Variants in RBM6 observed in about 807,000 individuals in gnomAD.
The protein encoded by RBM6 is RNA-binding protein 6.
Under a neutral mutation model 140.4 loss-of-function variants are expected in RBM6, and 23 were observed. The ratio of observed to expected loss-of-function variants is 0.16; its 90% CI spans 0.12 to 0.23. RBM6 has a LOEUF of 0.23. Ranked by LOEUF, RBM6 falls within the 10% of genes least tolerant of loss-of-function variation. The pLI is 1.00. For missense variants in RBM6, 1,139 were observed against 1,386.7 expected (o/e 0.82, Z 2.84); for synonymous variants, 439 against 475.6 (o/e 0.92, Z 1.00).
At chr3:49,977,117 T>G (rs1372268097) in intron 5 of RBM6, among the ~76,000 whole-genome samples, 1 of 152,190 alleles carries the variant, frequency 6.6e-6, no homozygotes, top group Non-Finnish European at 1.5e-5. Flanking sequence ...TGGAAGAAAT[T>G]CCCAGCTTCT....
chr3:50,005,303 C>T (rs2086522642), intron 6 of RBM6, among the ~76,000 whole-genome samples: 1 of 152,036 alleles, frequency 6.6e-6, no homozygotes, highest in Non-Finnish European at 1.5e-5. Context: ...TGAGTCCAGC[C>T]TGGGTAACAT....
intron 6 of RBM6, among the ~76,000 whole-genome samples, chr3:50,011,606 C>T (rs1323769826): frequency 6.6e-6 from 1 of 152,018 alleles, no homozygotes; most frequent in Non-Finnish European, 1.5e-5. Context: ...CCACATATGT[C>T]TTTCTTAGAG....
At chr3:49,997,671 T>TG (rs2086150173) in intron 5 of RBM6, among the ~76,000 whole-genome samples, 1 of 152,144 alleles carries the variant, frequency 6.6e-6, no homozygotes, top group Admixed American at 6.6e-5. Context: ...TAGACATGCA[T>TG]TTGAGTGTTT....
intron 5 of RBM6, among the ~76,000 whole-genome samples, chr3:49,999,061 A>T (rs1475888222): frequency 7.9e-6 from 1 of 126,468 alleles, no homozygotes; most frequent in Non-Finnish European, 1.7e-5. Flanking sequence ...TTTTCCAGAT[A>T]CTTTCTTGCT....
chr3:49,946,722 A>G lies in RBM6; in HGVS notation c.-67+6497A>G, dbSNP rs2083502564. ...GGCTAATTTTTGTATTTTAGTAGAG[A>G]CAGGGTTTCACCATATTAGCCAGGC... On this transcript the variant is annotated intron_variant, in intron 1 of 20. Transcript: ENST00000266022. 2.0e-5 allele frequency among the ~76,000 whole-genome samples: 3 copies of G among 151,746 alleles called. No homozygotes were observed. The South Asian group carries it at 6.2e-4, about 32-fold the overall frequency.
intron 6 of RBM6, among the ~76,000 whole-genome samples, chr3:50,032,604 C>T (rs990986545): frequency 3.9e-5 from 6 of 151,934 alleles, no homozygotes; most frequent in Non-Finnish European, 8.8e-5. Context: ...GGTTACAGAA[C>T]TCGTTTCTCC....
At chr3:49,952,783 CCA>C (rs1324193346) in intron 1 of RBM6, among the ~76,000 whole-genome samples, 2 of 152,152 alleles carry the variant, frequency 1.3e-5, no homozygotes, top group African/African-American at 2.4e-5. Context: ...CAGGCGTGTG[CCA>C]CTGCTCCTGG....
intron 1 of RBM6, among the ~76,000 whole-genome samples, chr3:49,957,479 T>C: frequency 6.6e-6 from 1 of 152,096 alleles, no homozygotes; most frequent in South Asian, 2.1e-4. Context: ...TTCTTTCTAG[T>C]GCATAAGCAG....
intron 19 of RBM6, among the ~76,000 whole-genome samples, chr3:50,073,041 A>T (rs2090353268): frequency 6.6e-6 from 1 of 152,072 alleles, no homozygotes; most frequent in Non-Finnish European, 1.5e-5. Flanking sequence ...TTTCTAAGGT[A>T]CCCATGGCCT....
intron 1 of RBM6, among the ~76,000 whole-genome samples, chr3:49,959,876 T>G (rs958344262): frequency 1.3e-5 from 2 of 152,098 alleles, no homozygotes; most frequent in African/African-American, 2.4e-5. Flanking sequence ...CCGGCCTAGG[T>G]CTTGTATGAT....
At chr3:50,052,237 G>C (rs988477475) in intron 7 of RBM6, among the ~76,000 whole-genome samples, 1 of 152,106 alleles carries the variant, frequency 6.6e-6, no homozygotes, top group East Asian at 1.9e-4. Flanking sequence ...GCTAATTTTT[G>C]TATTTTTAAT....
In RBM6 at chr3:50,043,497, A is replaced by AC. The variant is rs1297531108; in HGVS notation, c.1558-4748_1558-4747insC. 1.7e-3 allele frequency among the ~76,000 whole-genome samples: 257 copies of AC among 150,864 alleles called. 2 individuals are homozygous for AC. Among genetic ancestry groups the AC allele is most frequent in the African/African-American group, 6.0e-3 (247 of 41,014 alleles). ...AGCAAGACCCTGTCTCAAAAAAAAA[A>AC]AAGAGAGATCTATCTCTCTTCTTTT... On this transcript the variant is annotated intron_variant, in intron 6 of 20. Transcript: ENST00000266022.
intron 6 of RBM6, among the ~76,000 whole-genome samples, chr3:50,036,987 T>C (rs1194767394): frequency 1.3e-5 from 2 of 152,068 alleles, no homozygotes; most frequent in African/African-American, 4.8e-5. Context: ...GGCTTCACCA[T>C]GTTGGCCAGT....
intron 11 of RBM6, among the ~76,000 whole-genome samples, chr3:50,060,042 T>C (rs1237016559): frequency 6.6e-6 from 1 of 152,148 alleles, no homozygotes; most frequent in African/African-American, 2.4e-5. Context: ...CTAAAGAGGC[T>C]GAGGCGAGAT....
intron 2 of RBM6, among the ~76,000 whole-genome samples, chr3:49,963,217 T>TA (rs1210651857): frequency 6.6e-6 from 1 of 151,848 alleles, no homozygotes; most frequent in Non-Finnish European, 1.5e-5. Flanking sequence ...TTTTGTCACA[T>TA]AGCATTTTAA....
chr3:50,014,766 A>G (rs997797512), intron 6 of RBM6, among the ~76,000 whole-genome samples: 2 of 152,168 alleles, frequency 1.3e-5, no homozygotes, highest in African/African-American at 4.8e-5. Context: ...GGCTGTTGGG[A>G]ATCACATTGG....
chr3:50,070,311 CG>C (rs1328699008), intron 18 of RBM6, 143 bp from the exon 19 acceptor site: 17 of 611,192 alleles, frequency 2.8e-5, no homozygotes, highest in African/African-American at 5.6e-5. Context: ...GCTGAGATCA[CG>C]CCAGTGTACT....
Position 49,968,865 on chromosome 3 carries a change from C to T in RBM6, c.1323+117C>T, listed in dbSNP as rs147772661. 6.8e-3 allele frequency: 8,623 copies of T among 1,276,670 alleles called. 44 individuals are homozygous for T. The highest frequency in any genetic ancestry group is 0.019 in the Middle Eastern group (68 of 3,578). The allele number at this position is 1,276,670 out of a possible 1,614,324, so 79.1% of individuals were successfully genotyped here. On this transcript the variant is annotated intron_variant, in intron 3 of 20. Coordinates refer to ENST00000266022, the MANE Select transcript of RBM6 (RefSeq NM_005777.3). ...GTGCGATCTCTGCTCATGCAAGCTC[C>T]GCCTCCTGGGTTCATGCCATTCTCC...
At chr3:50,048,694 C>T (rs2089328623) in intron 7 of RBM6, among the ~76,000 whole-genome samples, 1 of 152,306 alleles carries the variant, frequency 6.6e-6, no homozygotes. Context: ...GGGAGTCGTA[C>T]ATTTTTTGGA....
Sources: allele counts gnomAD v4.1 joint callset (sites outside exome capture counted in the v4.1 genomes callset), GRCh38; gene constraint gnomAD v4.1.1; transcripts MANE v1.5; gene names NCBI Gene and HGNC (gene_info 2026-07-23, HGNC 2026-07-21).